The following CDAN1 variants were observed in gnomAD, a reference collection of about 807,000 sequenced individuals.
CDAN1 encodes codanin-1.
Under a neutral mutation model 139.8 loss-of-function variants are expected in CDAN1, and 107 were observed. That is an observed-to-expected ratio of 0.77 (90% CI 0.65 to 0.90). The LOEUF is 0.90. Among genes scored for constraint, CDAN1 ranks in the 40% least tolerant of loss-of-function variants. CDAN1 has a pLI of 0.00. For synonymous variants in CDAN1, 776 were observed against 660.6 expected (o/e 1.17, Z -2.68); for missense variants, 1,667 against 1,575.7 (o/e 1.06, Z -0.98).
At chr15:42,730,004 G>T in intron 15 of CDAN1, 119 bp from the exon 16 acceptor site, 1 of 1,236,798 alleles carries the variant, frequency 8.1e-7, no homozygotes, top group Admixed American at 1.9e-5. Context: ...GAGATGATGG[G>T]AATCCCCAGG....
chr15:42,733,083 G>T lies in CDAN1; in HGVS notation c.1457+14C>A. 6.2e-7 allele frequency: 1 copy of T among 1,612,914 alleles called. No homozygotes were observed. Among genetic ancestry groups the T allele is most frequent in the Non-Finnish European group, 8.5e-7 (1 of 1,178,980 alleles). On this transcript the variant is annotated intron_variant, in intron 9 of 27. Transcript: ENST00000356231. Reference sequence around the variant, plus strand: ...CATTGCCAGGAACAAGAAAGACAAGGTCTGAGCACCCACCTGATTCTGCTG... The same window carrying T: ...CATTGCCAGGAACAAGAAAGACAAGTTCTGAGCACCCACCTGATTCTGCTG...
In CDAN1 at chr15:42,735,447, C is replaced by A. The variant is rs1460020667; in HGVS notation, c.943+63G>T. 4.2e-5 allele frequency: 67 copies of A among 1,603,366 alleles called. No homozygotes were observed. In the South Asian group the frequency reaches 4.4e-4, roughly 10 times the overall value. On this transcript the variant is annotated intron_variant, in intron 4 of 27. Coordinates refer to ENST00000356231, the MANE Select transcript of CDAN1 (RefSeq NM_138477.4). The stretch of plus-strand genomic sequence containing the variant: ...CCAAGGCTCAGTTCCAAGTGCCTTA[C>A]CAATTCTCTTACCCATAAGTTCTAC...
chr15:42,736,569 A>G lies in CDAN1; in HGVS notation c.302T>C (p.Phe101Ser). The change falls in exon 2 of 28, where the codon TTC becomes TCC. Residue 101 changes from phenylalanine to serine, a missense_variant. Physicochemically the swap from Phe to Ser is radical, Grantham distance 155. Coordinates refer to ENST00000356231, the MANE Select transcript of CDAN1 (RefSeq NM_138477.4). ...GGTGCTCTGGGCCTCGGTCGGAGGG[A>G]AAAGCTGGCTGCGCGCCCCGCGGCT... ...RGSRGARSQL[F>S]PPTEAQSTAA... 1 of 1,487,380 alleles carries G rather than the reference A, an allele frequency of 6.7e-7. No individual in the cohort carries two copies. Among genetic ancestry groups the G allele is most frequent in the Non-Finnish European group, 8.9e-7 (1 of 1,120,874 alleles). The allele number at this position is 1,487,380 out of a possible 1,614,324, so 92.1% of individuals were successfully genotyped here. A position where few individuals can be genotyped will look rare whatever the true frequency, so the allele number is the denominator to read the frequency against.
In CDAN1 at chr15:42,728,285, G is replaced by C. The variant is rs375929824; in HGVS notation, c.2805-18C>G. The C allele has an allele frequency of 5.0e-6, 8 of 1,613,260 alleles. No individual in the cohort carries two copies. In the African/African-American group the frequency reaches 8.0e-5, roughly 16 times the overall value. Reference sequence around the variant, plus strand: ...GACAGAACCTAAAAGGGGACAGATGGGGTCAGTGATCTCTGGGTATTTCAG... The same window carrying C: ...GACAGAACCTAAAAGGGGACAGATGCGGTCAGTGATCTCTGGGTATTTCAG... On this transcript the variant is annotated intron_variant, in intron 20 of 27. Transcript: ENST00000356231.
intron 12 of CDAN1, 39 bp downstream of exon 12, chr15:42,731,172 G>A (rs2061605726): frequency 2.5e-6 from 4 of 1,614,166 alleles, no homozygotes; most frequent in Non-Finnish European, 3.4e-6. Flanking sequence ...CTTCCCTCCT[G>A]GGTCAGACCC....
In CDAN1 at chr15:42,735,609, G is replaced by C; in HGVS notation, c.844C>G (p.Arg282Gly). 6.2e-7 allele frequency: 1 copy of C among 1,614,200 alleles called. No homozygotes were observed. Among genetic ancestry groups the C allele is most frequent in the Non-Finnish European group, 8.5e-7 (1 of 1,180,042 alleles). Reference sequence around the variant, plus strand: ...GGTTCATCTGTGAGGCTTCCTGTCCGGCTGGGGAGGGGCGACCCCAATTCT... The same window carrying C: ...GGTTCATCTGTGAGGCTTCCTGTCCCGCTGGGGAGGGGCGACCCCAATTCT... ...TPELGSPLPS[R>G]TGSLTDEPAD... The change falls in exon 4 of 28, where the codon CGG becomes GGG. Residue 282 changes from arginine (R) to glycine (G), a missense_variant. This residue lies in a region of CDAN1 where 487 missense variants were observed against 422.2 expected (regional missense o/e 1.15). Coordinates refer to ENST00000356231, the MANE Select transcript of CDAN1 (RefSeq NM_138477.4).
Position 42,736,997 on chromosome 15 carries a change from G to C in CDAN1, c.90+16C>G. 6.5e-7 allele frequency: 1 copy of C among 1,540,252 alleles called. No homozygotes were observed. The highest frequency in any genetic ancestry group is 1.2e-5 in the South Asian group (1 of 83,148). ...CCGGCTTCGAGTCAGACCTGGGGGC[G>C]TGTCACCGCTGTTACCTCCGAACCC... On this transcript the variant is annotated intron_variant, in intron 1 of 27. Transcript: ENST00000356231.
intron 6 of CDAN1, 45 bp from the exon 7 acceptor site, chr15:42,734,391 G>A: frequency 1.2e-6 from 2 of 1,612,680 alleles, no homozygotes; most frequent in Non-Finnish European, 1.7e-6. Context: ...AACACAGACT[G>A]CAAGTAGGAA....
chr15:42,730,966 T>G lies in CDAN1; in HGVS notation c.1966A>C (p.Thr656Pro), dbSNP rs780533830. ...LPYRGPEPPP[T>P]GELQDSILAL... ...AGAATGGAGTCCTGAAGCTCACCGGTCGGGGGAGGTTCAGGCCCCCGGTAT... is the reference window on the plus strand; with the variant it reads ...AGAATGGAGTCCTGAAGCTCACCGGGCGGGGGAGGTTCAGGCCCCCGGTAT... The change falls in exon 13 of 28, where the codon ACC (threonine) becomes CCC (proline). Residue 656 changes from threonine to proline, a missense_variant. Physicochemically the swap from Thr to Pro is conservative, Grantham distance 38. Transcript: ENST00000356231. 2.5e-6 allele frequency: 4 copies of G among 1,614,098 alleles called. No homozygotes were observed. In the South Asian group the frequency reaches 4.4e-5, roughly 18 times the overall value.
At chr15:42,726,041 A>G in intron 25 of CDAN1, 56 bp downstream of exon 25, 2 of 1,433,258 alleles carry the variant, frequency 1.4e-6, no homozygotes, top group Non-Finnish European at 2.0e-6. Flanking sequence ...GCTTGTACCC[A>G]ACCCTGAGAT....
At chr15:42,726,992 G>C (rs916142863) in intron 23 of CDAN1, 1 of 156,136 alleles carries the variant, frequency 6.4e-6, no homozygotes, top group Non-Finnish European at 1.4e-5. Context: ...AAATATTTTA[G>C]GCTTTGCAGG....
In CDAN1 at chr15:42,728,578, G is replaced by GT. The variant is rs972747648; in HGVS notation, c.2804+73dup. 8 of 1,579,698 alleles carry GT rather than the reference G, an allele frequency of 5.1e-6. No individual in the cohort carries two copies. In the African/African-American group the frequency reaches 8.1e-5, roughly 16 times the overall value. ...ATGAAGAGAAGAAAGGGAAAAAAGAGTAAGTGTGAAGGAGGAAAGAAAGGA... is the reference window on the plus strand; with the variant it reads ...ATGAAGAGAAGAAAGGGAAAAAAGAGTTAAGTGTGAAGGAGGAAAGAAAGGA... On this transcript the variant is annotated intron_variant, in intron 20 of 27. Coordinates refer to ENST00000356231, the MANE Select transcript of CDAN1 (RefSeq NM_138477.4).
At chr15:42,728,158 C>A in intron 21 of CDAN1, 46 bp downstream of exon 21, 1 of 1,607,504 alleles carries the variant, frequency 6.2e-7, no homozygotes, top group Non-Finnish European at 8.5e-7. Flanking sequence ...CGTGCACCTC[C>A]CCACAACTGC....
chr15:42,729,214 C>T lies in CDAN1; in HGVS notation c.2541+15G>A, dbSNP rs753176396. 8.7e-6 allele frequency: 14 copies of T among 1,602,964 alleles called. No individual in the cohort carries two copies. Among genetic ancestry groups the T allele is most frequent in the Non-Finnish European group, 1.2e-5 (14 of 1,170,914 alleles). On this transcript the variant is annotated intron_variant, in intron 18 of 27. Coordinates refer to ENST00000356231, the MANE Select transcript of CDAN1 (RefSeq NM_138477.4). ...CCCCTCATTTTCCCCACGGCTGTCT[C>T]CGCCCTGCCCTTACCTGCAGCCCCT...
In CDAN1 at chr15:42,727,995, T is replaced by C. The variant is rs200921566; in HGVS notation, c.2907A>G (p.Ala969=). The stretch of plus-strand genomic sequence containing the variant: ...ACAGCCAAGCACAGGCTTTCTCTGT[T>C]GCAAGCCCCACAGCAATGTTCTCTG... ...SSAENIAVGL[A]TEKACAWLSA... The change falls in exon 22 of 28, where the codon GCA becomes GCG. Residue 969 remains alanine, a synonymous_variant. Transcript: ENST00000356231. 5.5e-5 allele frequency: 88 copies of C among 1,614,042 alleles called. 1 individual carries two copies. Among genetic ancestry groups the C allele is most frequent in the Non-Finnish European group, 1.0e-5 (12 of 1,180,020 alleles).
chr15:42,727,615 G>C lies in CDAN1; in HGVS notation c.3096+6C>G, dbSNP rs539649120. The C allele has an allele frequency of 5.1e-6, 8 of 1,559,202 alleles. No homozygotes were observed. Among genetic ancestry groups the C allele is most frequent in the Non-Finnish European group, 7.0e-6 (8 of 1,148,650 alleles). ...GGAAGCCAAAGGGAGTAGGGTAGCC[G>C]TGTACTTTTATCTCGGAGATGAGGT... On this transcript the variant is annotated splice_donor_region_variant and intron_variant, in intron 23 of 27. Transcript: ENST00000356231.
chr15:42,724,704 G>A (rs2061499712), intron 27 of CDAN1, 88 bp from the exon 28 acceptor site: 5 of 1,487,270 alleles, frequency 3.4e-6, no homozygotes, highest in Admixed American at 3.9e-5. Context: ...CAACCTGGCT[G>A]GCTATATTAT....
intron 9 of CDAN1, 82 bp from the exon 10 acceptor site, chr15:42,732,490 C>A: frequency 7.6e-7 from 1 of 1,320,578 alleles, no homozygotes; most frequent in Non-Finnish European, 1.1e-6. Flanking sequence ...AACCCCTGGA[C>A]TTCCCAGCCG....
intron 15 of CDAN1, 23 bp downstream of exon 15, chr15:42,730,105 A>G (rs1452135580): frequency 1.9e-6 from 3 of 1,608,200 alleles, no homozygotes; most frequent in East Asian, 2.2e-5. Context: ...CCTCTCTCCA[A>G]TCTGGACCCT....
Sources: gnomAD v4.1 joint callset for allele counts on GRCh38, gnomAD v4.1.1 for gene constraint, gnomAD v4.1.1 regional missense constraint, MANE v1.5 for transcripts, NCBI Gene and HGNC (gene_info 2026-07-23, HGNC 2026-07-21) for gene names.